EPB41L4A: variants seen among roughly 807,000 people sequenced by gnomAD.
The protein encoded by EPB41L4A is erythrocyte membrane protein band 4.1 like 4A, also known as band 4.1-like protein 4A.
In EPB41L4A, 100 loss-of-function variants were observed where a neutral mutation model predicts 108.6. The observed-to-expected ratio is 0.92, with a 90% CI of 0.78 to 1.09. The LOEUF (loss-of-function observed/expected upper bound fraction) is 1.09. Among genes scored for constraint, EPB41L4A ranks in the 50% least tolerant of loss-of-function variants. The probability of loss-of-function intolerance (pLI) is 0.00; values close to 1 mark genes in which losing one functional copy is unlikely to be tolerated. For missense variants in EPB41L4A, 1,030 were observed against 842.7 expected (o/e 1.22, Z -2.75); for synonymous variants, 319 against 289.0 (o/e 1.10, Z -1.05).
intron 1 of EPB41L4A, among the ~76,000 whole-genome samples, chr5:112,328,219 G>A (rs1180714170): frequency 6.6e-6 from 1 of 152,078 alleles, no homozygotes; most frequent in African/African-American, 2.4e-5. Flanking sequence ...TGAAGCAGGA[G>A]AATCACTTGA....
intron 2 of EPB41L4A, among the ~76,000 whole-genome samples, chr5:112,281,149 G>A (rs1283003312): frequency 1.3e-5 from 2 of 152,168 alleles, no homozygotes; most frequent in African/African-American, 4.8e-5. Context: ...TCCAGGTAAA[G>A]TCTTTAGAAT....
At chr5:112,392,401 CAA>C (rs56256606) in intron 1 of EPB41L4A, among the ~76,000 whole-genome samples, 22 of 35,916 alleles carry the variant, frequency 6.1e-4, no homozygotes, top group Non-Finnish European at 8.0e-4. Context: ...AAATGGAAAG[CAA>C]AAAAAAAAAA....
chr5:112,361,543 A>G (rs1758764087), intron 1 of EPB41L4A, among the ~76,000 whole-genome samples: 1 of 143,136 alleles, frequency 7.0e-6, no homozygotes, highest in Admixed American at 7.1e-5. Flanking sequence ...AAAAAAGAAT[A>G]AAAAGAAAAA....
chr5:112,413,741 G>A (rs1265887484), intron 1 of EPB41L4A, among the ~76,000 whole-genome samples: 2 of 152,136 alleles, frequency 1.3e-5, no homozygotes, highest in Non-Finnish European at 2.9e-5. Context: ...GAAACAAAAT[G>A]GTACACCAAT....
intron 15 of EPB41L4A, among the ~76,000 whole-genome samples, chr5:112,199,643 C>G (rs1440853897): frequency 6.6e-6 from 1 of 152,168 alleles, no homozygotes; most frequent in African/African-American, 2.4e-5. Flanking sequence ...ACCATAAATT[C>G]AGGATATCAG....
chr5:112,331,578 G>T (rs535375910), intron 1 of EPB41L4A, among the ~76,000 whole-genome samples: 228 of 152,308 alleles, frequency 1.5e-3, no homozygotes, highest in African/African-American at 5.3e-3. Flanking sequence ...GGTGCCTGGG[G>T]CCAGAGCAGC....
At chr5:112,346,753 A>AG (rs1757703406) in intron 1 of EPB41L4A, among the ~76,000 whole-genome samples, 1 of 152,216 alleles carries the variant, frequency 6.6e-6, no homozygotes. Flanking sequence ...AACCTAAAAT[A>AG]ACTAAAACTA....
chr5:112,315,423 T>C (rs1466888021), intron 1 of EPB41L4A, among the ~76,000 whole-genome samples: 1 of 152,228 alleles, frequency 6.6e-6, no homozygotes, highest in Non-Finnish European at 1.5e-5. Flanking sequence ...GTTCACTGAA[T>C]TAATACCAAG....
In EPB41L4A at chr5:112,347,916, T is replaced by A. The variant is rs560258984; in HGVS notation, c.100-40426A>T. Among the ~76,000 whole-genome samples, 4 of 152,268 alleles carry A rather than the reference T, an allele frequency of 2.6e-5. No homozygotes were observed. The East Asian group carries it at 7.7e-4, about 29-fold the overall frequency. ...CTATTGCTCACTGCCAGATCCATCC[T>A]CCCAGGACCCAATCCTCACATCCTT... is the stretch of plus-strand genomic sequence containing the variant. On this transcript the variant is annotated intron_variant, in intron 1 of 22. Coordinates refer to ENST00000261486, the MANE Select transcript of EPB41L4A (RefSeq NM_022140.5).
intron 18 of EPB41L4A, chr5:112,175,513 A>G (rs1420442447): frequency 1.3e-5 from 2 of 152,210 alleles, no homozygotes; most frequent in Non-Finnish European, 2.9e-5. Context: ...CGGATAAAAT[A>G]CAAAAATGAA....
chr5:112,372,880 G>A (rs1580780909), intron 1 of EPB41L4A, among the ~76,000 whole-genome samples: 1 of 152,242 alleles, frequency 6.6e-6, no homozygotes, highest in Admixed American at 6.5e-5. Flanking sequence ...ACTAAAGGGT[G>A]GAAGCAGAGA....
intron 12 of EPB41L4A, among the ~76,000 whole-genome samples, chr5:112,229,514 A>G (rs1051610971): frequency 6.6e-6 from 1 of 152,100 alleles, no homozygotes. Flanking sequence ...CTCATCACCC[A>G]AGCAGTGTAC....
At chr5:112,330,913 T>G (rs1756521998) in intron 1 of EPB41L4A, among the ~76,000 whole-genome samples, 1 of 152,182 alleles carries the variant, frequency 6.6e-6, no homozygotes, top group Non-Finnish European at 1.5e-5. Flanking sequence ...GGGCCTGCAC[T>G]CTTCATTGTG....
In EPB41L4A at chr5:112,186,163, T is replaced by C. The variant is rs188209764; in HGVS notation, c.1503-2028A>G. Among the ~76,000 whole-genome samples, 67 of 152,298 alleles carry C rather than the reference T, an allele frequency of 4.4e-4. 1 individual carries two copies. The East Asian group carries it at 0.013, about 29-fold the overall frequency. On this transcript the variant is annotated intron_variant, in intron 17 of 22. Transcript: ENST00000261486. ...CTGAACAAAATCACTGTCCAGTTGA[T>C]GGGCAGAACGAAATTTTACAATGTG...
In EPB41L4A at chr5:112,349,606, G is replaced by A. The variant is rs528182255; in HGVS notation, c.100-42116C>T. ...AAAAATTATGCTGACACTGTTAGAT[G>A]ATTTTCTTTAGCAGTAATGAGATCA... On this transcript the variant is annotated intron_variant, in intron 1 of 22. Transcript: ENST00000261486. Among the ~76,000 whole-genome samples the A allele has an allele frequency of 3.9e-5, 6 of 152,318 alleles. No homozygotes were observed. In the East Asian group the frequency reaches 9.6e-4, roughly 24 times the overall value.
intron 2 of EPB41L4A, among the ~76,000 whole-genome samples, chr5:112,293,109 TA>T (rs952242304): frequency 2.6e-4 from 40 of 152,286 alleles, no homozygotes; most frequent in African/African-American, 8.9e-4. Context: ...GATATATGGA[TA>T]TATATATACA....
At chr5:112,253,592 C>T (rs1178609932) in intron 9 of EPB41L4A, among the ~76,000 whole-genome samples, 1 of 152,122 alleles carries the variant, frequency 6.6e-6, no homozygotes, top group Non-Finnish European at 1.5e-5. Flanking sequence ...GTTAACCATA[C>T]TGCAGTTACA....
intron 2 of EPB41L4A, among the ~76,000 whole-genome samples, chr5:112,285,335 T>A (rs1033615655): frequency 6.6e-6 from 1 of 152,120 alleles, no homozygotes; most frequent in Non-Finnish European, 1.5e-5. Context: ...GCCACAAAGA[T>A]CTCAAAAGTG....
At chr5:112,267,781 T>TA (rs1344895937) in intron 4 of EPB41L4A, among the ~76,000 whole-genome samples, 209 of 148,542 alleles carry the variant, frequency 1.4e-3, no homozygotes, top group African/African-American at 4.3e-3. Flanking sequence ...CTCTTTCAGT[T>TA]AAAAAAAAAA....
Sources: gnomAD v4.1 joint callset for allele counts (sites outside exome capture counted in the v4.1 genomes callset) on GRCh38, gnomAD v4.1.1 for gene constraint, MANE v1.5 for transcripts, NCBI Gene and HGNC (gene_info 2026-07-23, HGNC 2026-07-21) for gene names.